ERFL: variants seen among roughly 807,000 people sequenced by gnomAD.
ERFL encodes ETS repressor factor like.
ERFL carries 8 observed loss-of-function variants against 27.9 expected under a neutral mutation model. That is an observed-to-expected ratio of 0.29 (90% CI 0.17 to 0.52). ERFL has a LOEUF of 0.52. Among genes scored for constraint, ERFL ranks in the 20% least tolerant of loss-of-function variants. The probability of loss-of-function intolerance (pLI) is 0.97; values close to 1 mark genes in which losing one functional copy is unlikely to be tolerated. For missense variants in ERFL, 294 were observed against 444.4 expected (o/e 0.66, Z 3.04); for synonymous variants, 174 against 202.8 (o/e 0.86, Z 1.21).
chr19:41,918,978 A>T (rs1555852182), intron 1 of ERFL, among the ~76,000 whole-genome samples: 1 of 151,546 alleles, frequency 6.6e-6, no homozygotes, highest in African/African-American at 2.4e-5. Flanking sequence ...CACCACACAC[A>T]CACACACCGC....
intron 1 of ERFL, among the ~76,000 whole-genome samples, chr19:41,922,441 G>A (rs899546532): frequency 2.0e-5 from 3 of 152,172 alleles, no homozygotes; most frequent in South Asian, 2.1e-4. Context: ...ACTGAGATGC[G>A]GGAGCACACA....
At chr19:41,912,010 C>G (rs113304017) in intron 2 of ERFL, among the ~76,000 whole-genome samples, 9 of 151,858 alleles carry the variant, frequency 5.9e-5, no homozygotes, top group Non-Finnish European at 1.3e-4. Flanking sequence ...GACAGCCATG[C>G]GGAACGCCAC....
At chr19:41,922,816 A>G (rs921125142) in intron 1 of ERFL, among the ~76,000 whole-genome samples, 5 of 152,178 alleles carry the variant, frequency 3.3e-5, no homozygotes, top group Admixed American at 2.6e-4. Flanking sequence ...GCAATAAATT[A>G]TTGTGACAAG....
At chr19:41,914,387 C>T (rs1306157457) in intron 1 of ERFL, among the ~76,000 whole-genome samples, 7 of 151,628 alleles carry the variant, frequency 4.6e-5, no homozygotes, top group Non-Finnish European at 1.5e-5. Flanking sequence ...CCCCACCTCA[C>T]TGCCCTCTCC....
intron 1 of ERFL, among the ~76,000 whole-genome samples, chr19:41,918,644 C>T (rs960577562): frequency 1.3e-5 from 2 of 150,060 alleles, no homozygotes; most frequent in South Asian, 4.3e-4. Context: ...TCACATACAC[C>T]ACACACAGTA....
chr19:41,918,720 TACACACC>T (rs1555852155), intron 1 of ERFL, among the ~76,000 whole-genome samples: 1 of 123,274 alleles, frequency 8.1e-6, no homozygotes, highest in African/African-American at 3.2e-5. Flanking sequence ...ACACACCACG[TACACACC>T]ACACACCACC....
chr19:41,921,083 G>GC lies in ERFL; in HGVS notation c.-14+6956dup, dbSNP rs1436116106. On this transcript the variant is annotated intron_variant, in intron 1 of 5. Transcript: ENST00000597630. The surrounding 1 kb of genome is among the most constrained non-coding windows in gnomAD (Gnocchi z 4.4). ...AGGGAGCGTCCCCGGGGAGGTGGGA[G>GC]CCGCAGTGCCACGCACCCCGCCTAC... Among the ~76,000 whole-genome samples the GC allele has an allele frequency of 2.0e-5, 3 of 152,202 alleles. No individual in the cohort carries two copies. The highest frequency in any genetic ancestry group is 7.2e-5 in the African/African-American group (3 of 41,442).
At position 41,921,880 on chromosome 19, in the gene ERFL, C is replaced by T. The variant is rs1297515812; in HGVS notation, c.-14+6160G>A. Among the ~76,000 whole-genome samples the T allele has an allele frequency of 6.6e-6, 1 of 151,808 alleles. No individual in the cohort carries two copies. The highest frequency in any genetic ancestry group is 2.4e-5 in the African/African-American group (1 of 41,262). ...CCCAGCTTCAAAGCCCACCCTACCC[C>T]TCCTCCTCCTCATCTCCACCAGGCC... On this transcript the variant is annotated intron_variant, in intron 1 of 5. Coordinates refer to ENST00000597630, the MANE Select transcript of ERFL (RefSeq NM_001365103.2). This position sits in a 1 kb window ranked among gnomAD's most constrained non-coding sequence, Gnocchi z 4.4.
Position 41,909,165 on chromosome 19 carries a change from G to C in ERFL, c.511C>G (p.Leu171Val), listed in dbSNP as rs1173742126. ...PPLTPETLQTLFSAPRLGEPG... is the reference protein window; with the variant it reads ...PPLTPETLQTVFSAPRLGEPG... Reference sequence around the variant, plus strand: ...TCTCCCAGGCGTGGGGCAGAGAACAGGGTTTGCAGGGTCTAGAGAGGGAGT... The same window carrying C: ...TCTCCCAGGCGTGGGGCAGAGAACACGGTTTGCAGGGTCTAGAGAGGGAGT... Residue 171 changes from leucine (L) to valine (V), a missense_variant, in exon 5 of 6, where the codon CTG (leucine) becomes GTG (valine). Physicochemically the swap from Leu to Val is conservative, Grantham distance 32 (BLOSUM62 1). Transcript: ENST00000597630. The surrounding 1 kb of genome is among the most constrained non-coding windows in gnomAD (Gnocchi z 5.2). 24 of 1,231,796 alleles carry C rather than the reference G, an allele frequency of 1.9e-5. No homozygotes were observed. Among genetic ancestry groups the C allele is most frequent in the Non-Finnish European group, 2.4e-5 (24 of 988,164 alleles). The allele number at this position is 1,231,796 out of a possible 1,614,324, so 76.3% of individuals were successfully genotyped here. A position where few individuals can be genotyped will look rare whatever the true frequency, so the allele number is the denominator to read the frequency against.
intron 1 of ERFL, among the ~76,000 whole-genome samples, chr19:41,914,914 C>T (rs1275995714): frequency 7.5e-6 from 1 of 133,388 alleles, no homozygotes; most frequent in Non-Finnish European, 1.7e-5. Flanking sequence ...CTCTCCCTCC[C>T]CCTCCACCAT....
rs2074743936 is a variant in ERFL, at chr19:41,910,124, TG to T, written c.68-28del. 6.3e-7 allele frequency: 1 copy of T among 1,596,760 alleles called. No individual in the cohort carries two copies. Among genetic ancestry groups the T allele is most frequent in the South Asian group, 1.1e-5 (1 of 88,916 alleles). ...TGGGGACGGGAGGCAGGGAGTGGCC[TG>T]GGGTCAGGATGCCAAGTCCAGGGCT... On this transcript the variant is annotated intron_variant, in intron 2 of 5. Coordinates refer to ENST00000597630, the MANE Select transcript of ERFL (RefSeq NM_001365103.2). This position sits in a 1 kb window ranked among gnomAD's most constrained non-coding sequence, Gnocchi z 4.4.
intron 1 of ERFL, among the ~76,000 whole-genome samples, chr19:41,918,596 C>T (rs1174027076): frequency 1.4e-5 from 2 of 147,798 alleles, no homozygotes; most frequent in Admixed American, 6.7e-5. Context: ...CATACACTAC[C>T]CATCACAGAC....
intron 1 of ERFL, among the ~76,000 whole-genome samples, chr19:41,918,198 G>A (rs868910297): frequency 1.3e-5 from 2 of 151,614 alleles, no homozygotes; most frequent in African/African-American, 4.9e-5. Flanking sequence ...TACCCCACAT[G>A]TATACGCCAC....
Position 41,908,635 on chromosome 19 carries a change from A to C in ERFL, c.658T>G (p.Tyr220Asp). Reference protein sequence around the residue: ...YSKPPGLLGPYGRAFPEYPWN... With the variant: ...YSKPPGLLGPDGRAFPEYPWN... ...GGGTACTCAGGGAAGGCGCGGCCATAAGGACCCAGCAGGCCAGGGGGCTTG... is the reference window on the plus strand; with the variant it reads ...GGGTACTCAGGGAAGGCGCGGCCATCAGGACCCAGCAGGCCAGGGGGCTTG... Residue 220 changes from tyrosine to aspartate, a missense_variant, in exon 6 of 6, where the codon TAT becomes GAT. Coordinates refer to ENST00000597630, the MANE Select transcript of ERFL (RefSeq NM_001365103.2). The surrounding 1 kb of genome is among the most constrained non-coding windows in gnomAD (Gnocchi z 6.7). The C allele has an allele frequency of 2.4e-6, 3 of 1,231,550 alleles. No homozygotes were observed. The highest frequency in any genetic ancestry group is 8.2e-5 in the South Asian group (2 of 24,312). The allele number at this position is 1,231,550 out of a possible 1,614,324, so 76.3% of individuals were successfully genotyped here. A position where few individuals can be genotyped will look rare whatever the true frequency, so the allele number is the denominator to read the frequency against.
At position 41,913,741 on chromosome 19, in the gene ERFL, C is replaced by G. The variant is rs546221008; in HGVS notation, c.-13-809G>C. ...CTAGATATCTTACGCCCCTAAGATA[C>G]TCCATCCCCTCCTCACTCCAGTCTC... is the stretch of plus-strand genomic sequence containing the variant. On this transcript the variant is annotated intron_variant, in intron 1 of 5. Transcript: ENST00000597630. Among the ~76,000 whole-genome samples the G allele has an allele frequency of 8.0e-5, 12 of 150,118 alleles. No homozygotes were observed. In the East Asian group the frequency reaches 2.0e-3, roughly 25 times the overall value.
chr19:41,926,479 G>T (rs1471839576), intron 1 of ERFL, among the ~76,000 whole-genome samples: 1 of 152,102 alleles, frequency 6.6e-6, no homozygotes, highest in African/African-American at 2.4e-5. Context: ...GCCACAGGTG[G>T]GTGCAGTGTG....
rs569516176 is a variant in ERFL, at chr19:41,915,793, C to T, written c.-13-2861G>A. On this transcript the variant is annotated intron_variant, in intron 1 of 5. Transcript: ENST00000597630. Reference sequence around the variant, plus strand: ...CTGGCGCCCCCCTGGCCCCATTGATCGCTGATCGACTGATGGAGGGAGCGC... The same window carrying T: ...CTGGCGCCCCCCTGGCCCCATTGATTGCTGATCGACTGATGGAGGGAGCGC... Among the ~76,000 whole-genome samples the T allele has an allele frequency of 4.6e-5, 7 of 152,280 alleles. No individual in the cohort carries two copies. The East Asian group carries it at 1.2e-3, about 25-fold the overall frequency.
At chr19:41,918,053 G>A (rs2074812625) in intron 1 of ERFL, among the ~76,000 whole-genome samples, 1 of 151,844 alleles carries the variant, frequency 6.6e-6, no homozygotes, top group Admixed American at 6.6e-5. Flanking sequence ...AGAGGAGGGG[G>A]TTCAGGGGTG....
chr19:41,910,096 C>T lies in ERFL; in HGVS notation c.69G>A (p.Gly23=). The T allele has an allele frequency of 1.2e-6, 2 of 1,611,826 alleles. No homozygotes were observed. The highest frequency in any genetic ancestry group is 1.7e-6 in the Non-Finnish European group (2 of 1,179,318). The change falls in exon 3 of 6, where the codon GGG becomes GGA. Residue 23 remains glycine (G), a splice_region_variant and synonymous_variant. Coordinates refer to ENST00000597630, the MANE Select transcript of ERFL (RefSeq NM_001365103.2). This position sits in a 1 kb window ranked among gnomAD's most constrained non-coding sequence, Gnocchi z 4.4. ...TGTAGGCCCAATCCGGGAAGGCAAA[C>T]CCTGGGGACGGGAGGCAGGGAGTGG... is the stretch of plus-strand genomic sequence containing the variant. The part of the protein sequence containing the change: ...PPALPALWTP[G]FAFPDWAYKP...
Sources: allele counts gnomAD v4.1 joint callset (sites outside exome capture counted in the v4.1 genomes callset), GRCh38; gene constraint gnomAD v4.1.1; non-coding constraint Gnocchi (gnomAD v3.1); transcripts MANE v1.5; gene names NCBI Gene and HGNC (gene_info 2026-07-23, HGNC 2026-07-21).